Variants in OPHN1 observed in about 807,000 individuals in gnomAD.
OPHN1 encodes the protein oligophrenin-1.
Under a neutral mutation model 60.7 loss-of-function variants are expected in OPHN1, and 11 were observed. That is an observed-to-expected ratio of 0.18 (90% CI 0.11 to 0.30). OPHN1 has a LOEUF of 0.30. Ranked by LOEUF, OPHN1 falls within the 10% of genes least tolerant of loss-of-function variation. The pLI is 1.00. For missense variants in OPHN1, 449 were observed against 611.0 expected (o/e 0.73, Z 2.80); for synonymous variants, 226 against 222.6 (o/e 1.02, Z -0.14).
At chrX:68,415,054 T>G in intron 2 of OPHN1, among the ~76,000 whole-genome samples, 1 of 112,268 alleles carries the variant, frequency 8.9e-6, no homozygotes, top group Non-Finnish European at 1.9e-5. Context: ...GGCAACAATC[T>G]AATTCCATTC....
chrX:68,216,181 C>T (rs1206363008), intron 6 of OPHN1, among the ~76,000 whole-genome samples: 1 of 110,854 alleles, frequency 9.0e-6, no homozygotes, highest in Non-Finnish European at 1.9e-5. Context: ...CATAAACTAA[C>T]CACAAATGCA....
At chrX:68,280,578 G>T (rs1319821192) in intron 4 of OPHN1, among the ~76,000 whole-genome samples, 1 of 111,503 alleles carries the variant, frequency 9.0e-6, no homozygotes, top group African/African-American at 3.3e-5. Flanking sequence ...TCTGGCTGTT[G>T]GAATAAATAG....
At chrX:68,235,842 A>C (rs1341089187) in intron 5 of OPHN1, among the ~76,000 whole-genome samples, 1 of 109,354 alleles carries the variant, frequency 9.1e-6, no homozygotes, top group Non-Finnish European at 1.9e-5. Flanking sequence ...TAGGTGAGAG[A>C]GCAAGACTCT....
chrX:68,048,953 A>G (rs770315330), intron 23 of OPHN1, among the ~76,000 whole-genome samples: 99 of 111,628 alleles, frequency 8.9e-4, no homozygotes, highest in African/African-American at 3.2e-3. Flanking sequence ...GTGTGGCCAG[A>G]GCATTACGTA....
chrX:68,194,958 ACT>A (rs1353481832), intron 12 of OPHN1, among the ~76,000 whole-genome samples: 4 of 101,197 alleles, frequency 4.0e-5, no homozygotes, highest in Non-Finnish European at 7.9e-5. Context: ...ACAGAGCGAG[ACT>A]CTGTCAAAAA....
Position 68,092,951 on chromosome X carries a change from T to A in OPHN1, c.1686+3919A>T, listed in dbSNP as rs1037759199. ...GCAATGAATCATCATATAATGAATG[T>A]TCAGAATATGCTTCCAAGGCTCCCT... On this transcript the variant is annotated intron_variant, in intron 19 of 24. Coordinates refer to ENST00000355520, the MANE Select transcript of OPHN1 (RefSeq NM_002547.3). Among the ~76,000 whole-genome samples, 59 of 111,367 alleles carry A rather than the reference T, an allele frequency of 5.3e-4. 1 individual carries two copies. Among genetic ancestry groups the A allele is most frequent in the African/African-American group, 1.8e-3 (55 of 30,733 alleles).
intron 2 of OPHN1, among the ~76,000 whole-genome samples, chrX:68,328,402 G>A (rs1447395636): frequency 1.9e-4 from 19 of 99,819 alleles, no homozygotes; most frequent in East Asian, 6.5e-4. Flanking sequence ...TGCTGGGACT[G>A]CAGGCGTGAG....
intron 11 of OPHN1, among the ~76,000 whole-genome samples, chrX:68,200,771 G>A (rs1006194986): frequency 8.9e-6 from 1 of 111,785 alleles, no homozygotes; most frequent in East Asian, 2.8e-4. Flanking sequence ...TTGTTCACAT[G>A]ATATTGTAAT....
At chrX:68,074,454 C>A (rs892985972) in intron 19 of OPHN1, among the ~76,000 whole-genome samples, 1 of 111,458 alleles carries the variant, frequency 9.0e-6, no homozygotes, top group African/African-American at 3.3e-5. Flanking sequence ...TAAAGAGCCA[C>A]CATTTTGTGA....
At chrX:68,250,371 C>A (rs901312235) in intron 5 of OPHN1, among the ~76,000 whole-genome samples, 1 of 112,090 alleles carries the variant, frequency 8.9e-6, no homozygotes, top group Non-Finnish European at 1.9e-5. Flanking sequence ...CTCACAATAA[C>A]CCTGTGAGGC....
intron 2 of OPHN1, among the ~76,000 whole-genome samples, chrX:68,422,781 G>GAA (rs1386202326): frequency 5.5e-4 from 36 of 65,006 alleles, no homozygotes; most frequent in Middle Eastern, 0.013. Flanking sequence ...AAGAAAGAAA[G>GAA]AGAGAGAGGG....
At chrX:68,146,467 C>T (rs1239975740) in intron 15 of OPHN1, among the ~76,000 whole-genome samples, 1 of 112,389 alleles carries the variant, frequency 8.9e-6, no homozygotes, top group African/African-American at 3.2e-5. Context: ...AACATACCAA[C>T]CTTATCTGAG....
chrX:68,315,557 G>A (rs2078195449), intron 2 of OPHN1, among the ~76,000 whole-genome samples: 1 of 111,594 alleles, frequency 9.0e-6, no homozygotes, highest in African/African-American at 3.3e-5. Flanking sequence ...GGAAGTTCTA[G>A]CCACAGCAAT....
intron 5 of OPHN1, among the ~76,000 whole-genome samples, chrX:68,261,083 G>A (rs1176574617): frequency 9.0e-6 from 1 of 111,080 alleles, no homozygotes; most frequent in African/African-American, 3.3e-5. Context: ...CCATCTCTTG[G>A]GTGAGAACAC....
intron 15 of OPHN1, among the ~76,000 whole-genome samples, chrX:68,145,330 T>C (rs62607069): frequency 0.033 from 3,645 of 111,443 alleles, 46 homozygotes; most frequent in African/African-American, 0.047. Context: ...CCTCCAAATA[T>C]ATGGGTAGTA....
At chrX:68,161,348 T>C (rs1035953385) in intron 15 of OPHN1, among the ~76,000 whole-genome samples, 1 of 111,400 alleles carries the variant, frequency 9.0e-6, no homozygotes, top group Non-Finnish European at 1.9e-5. Context: ...CAATTCATTC[T>C]ATGAAGCCGA....
At chrX:68,121,741 G>A (rs904554658) in intron 15 of OPHN1, among the ~76,000 whole-genome samples, 56 of 107,923 alleles carry the variant, frequency 5.2e-4, no homozygotes, top group African/African-American at 1.8e-3. Flanking sequence ...ACACAGCACA[G>A]CTCAAGGCTC....
At chrX:68,058,259 A>AGC (rs749717547) in intron 21 of OPHN1, among the ~76,000 whole-genome samples, 3 of 101,999 alleles carry the variant, frequency 2.9e-5, no homozygotes, top group East Asian at 6.2e-4. Context: ...CCTACACTCT[A>AGC]ACACACACAC....
At chrX:68,304,693 T>C (rs1248965081) in intron 2 of OPHN1, among the ~76,000 whole-genome samples, 1 of 111,467 alleles carries the variant, frequency 9.0e-6, no homozygotes, top group Admixed American at 9.6e-5. Flanking sequence ...AGTGACCTTT[T>C]TGGTATATTA....
Sources: gnomAD v4.1 joint callset for allele counts (sites outside exome capture counted in the v4.1 genomes callset) on GRCh38, gnomAD v4.1.1 for gene constraint, MANE v1.5 for transcripts, NCBI Gene and HGNC (gene_info 2026-07-23, HGNC 2026-07-21) for gene names.